The following RSL1D1 variants were observed in gnomAD, a reference collection of about 807,000 sequenced individuals.
RSL1D1 encodes the protein ribosomal L1 domain-containing protein 1.
In RSL1D1, 34 loss-of-function variants were observed where a neutral mutation model predicts 44.6. The ratio of observed to expected loss-of-function variants is 0.76; its 90% CI spans 0.58 to 1.02. The LOEUF (loss-of-function observed/expected upper bound fraction) is 1.02. Among genes scored for constraint, RSL1D1 ranks in the 50% least tolerant of loss-of-function variants. The pLI is 0.00. For missense variants in RSL1D1, 767 were observed against 568.1 expected (o/e 1.35, Z -3.56); for synonymous variants, 271 against 207.4 (o/e 1.31, Z -2.63).
Position 11,840,367 on chromosome 16 carries a change from A to C in RSL1D1, c.856-382T>G, listed in dbSNP as rs916243285. 2.6e-5 allele frequency among the ~76,000 whole-genome samples: 4 copies of C among 152,182 alleles called. No homozygotes were observed. In the East Asian group the frequency reaches 7.7e-4, roughly 29 times the overall value. On this transcript the variant is annotated intron_variant, in intron 7 of 8. Coordinates refer to ENST00000571133, the MANE Select transcript of RSL1D1 (RefSeq NM_015659.3). The stretch of plus-strand genomic sequence containing the variant: ...GATCACTTGAGGTCAGGACTTCGAG[A>C]TCAGCCTGGTAAACATGGTGAAACC...
At position 11,837,762 on chromosome 16, in the gene RSL1D1, T is replaced by G; in HGVS notation, c.*25A>C. The stretch of plus-strand genomic sequence containing the variant: ...AAAAGCTCTGGAGGCAGCATTGAGG[T>G]TTCCTTCCAGTTGAATCACTGACTT... On this transcript the variant is annotated 3_prime_UTR_variant, in exon 9 of 9. Coordinates refer to ENST00000571133, the MANE Select transcript of RSL1D1 (RefSeq NM_015659.3). 6.4e-7 allele frequency: 1 copy of G among 1,572,634 alleles called. No homozygotes were observed. The highest frequency in any genetic ancestry group is 8.6e-7 in the Non-Finnish European group (1 of 1,157,642).
rs753194199 is a variant in RSL1D1 at position 11,847,793 on chromosome 16, T to C, written c.259A>G (p.Ser87Gly). The change falls in exon 3 of 9, where the codon AGT (serine) becomes GGT (glycine). Residue 87 changes from serine to glycine, a missense_variant. Physicochemically the swap from Ser to Gly is moderately conservative, Grantham distance 56. Coordinates refer to ENST00000571133, the MANE Select transcript of RSL1D1 (RefSeq NM_015659.3). ...ELRVRLTLPH[S>G]IRSDSEDICL... Reference sequence around the variant, plus strand: ...ATATCTTCTGAATCTGATCGAATACTATGAGGCAAGGTCCTACAAAATACG... The same window carrying C: ...ATATCTTCTGAATCTGATCGAATACCATGAGGCAAGGTCCTACAAAATACG... 5 of 1,613,332 alleles carry C rather than the reference T, an allele frequency of 3.1e-6. No homozygotes were observed. Among genetic ancestry groups the C allele is most frequent in the Admixed American group, 1.7e-5 (1 of 59,822 alleles).
At chr16:11,850,206 A>G (rs1441073434) in intron 2 of RSL1D1, 73 bp downstream of exon 2, 9 of 1,394,922 alleles carry the variant, frequency 6.5e-6, no homozygotes, top group Admixed American at 2.6e-5. Context: ...ATTAGTAACC[A>G]TGATGCAATT....
chr16:11,850,177 A>G (rs1378013113), intron 2 of RSL1D1, 102 bp downstream of exon 2: 9 of 1,164,860 alleles, frequency 7.7e-6, no homozygotes, highest in Admixed American at 3.1e-5. Context: ...GATTTTTATT[A>G]TAAGTTTGCA....
At position 11,847,786 on chromosome 16, in the gene RSL1D1, C is replaced by G; in HGVS notation, c.266G>C (p.Arg89Pro). Reference protein sequence around the residue: ...RVRLTLPHSIRSDSEDICLFT... With the variant: ...RVRLTLPHSIPSDSEDICLFT... ...TAAACAGATATCTTCTGAATCTGAT[C>G]GAATACTATGAGGCAAGGTCCTACA... The change falls in exon 3 of 9, where the codon CGA becomes CCA. Residue 89 changes from arginine to proline, a missense_variant. Physicochemically the swap from Arg to Pro is moderately radical, Grantham distance 103 (BLOSUM62 -2). Coordinates refer to ENST00000571133, the MANE Select transcript of RSL1D1 (RefSeq NM_015659.3). 6.2e-7 allele frequency: 1 copy of G among 1,613,286 alleles called. No homozygotes were observed. The highest frequency in any genetic ancestry group is 8.5e-7 in the Non-Finnish European group (1 of 1,179,714).
chr16:11,841,149 C>G (rs1310267094), intron 7 of RSL1D1, among the ~76,000 whole-genome samples: 1 of 152,182 alleles, frequency 6.6e-6, no homozygotes, highest in African/African-American at 2.4e-5. Flanking sequence ...GTAGCTCATG[C>G]CTGTAATCCC....
Position 11,851,129 on chromosome 16 carries a change from G to A in RSL1D1, c.105+279C>T, listed in dbSNP as rs1245796501. The A allele has an allele frequency of 2.4e-5, 12 of 499,204 alleles. No individual in the cohort carries two copies. In the East Asian group the frequency reaches 3.4e-4, roughly 14 times the overall value. 30.9% of individuals were successfully genotyped at this position (499,204 alleles called of 1,614,324 possible). On this transcript the variant is annotated intron_variant, in intron 1 of 8. Transcript: ENST00000571133. The stretch of plus-strand genomic sequence containing the variant: ...GCAAAACTAAGCGATTCGGTCAAGC[G>A]CTAATGATAGGGAAGCTAAGCCAGG...
chr16:11,841,831 GAA>G lies in RSL1D1; in HGVS notation c.730-13_730-12del. The G allele has an allele frequency of 6.3e-7, 1 of 1,574,896 alleles. No homozygotes were observed. Among genetic ancestry groups the G allele is most frequent in the Non-Finnish European group, 8.7e-7 (1 of 1,149,298 alleles). On this transcript the variant is annotated splice_polypyrimidine_tract_variant and intron_variant, in intron 6 of 8. Transcript: ENST00000571133. Reference sequence around the variant, plus strand: ...CACGCTCTCCCACTTCTGAAACAAAGAAAAGAGTAACATCGTCTACATATACT... The same window carrying G: ...CACGCTCTCCCACTTCTGAAACAAAGAAGAGTAACATCGTCTACATATACT...
At chr16:11,841,167 T>G (rs911402926) in intron 7 of RSL1D1, among the ~76,000 whole-genome samples, 1 of 152,172 alleles carries the variant, frequency 6.6e-6, no homozygotes, top group African/African-American at 2.4e-5. Flanking sequence ...CCCAGCACTT[T>G]GGGAGCCCAA....
chr16:11,839,470 A>C (rs1268100012), intron 8 of RSL1D1, among the ~76,000 whole-genome samples: 1 of 150,334 alleles, frequency 6.7e-6, no homozygotes, highest in Non-Finnish European at 1.5e-5. Context: ...AGGTGGGAAG[A>C]CTGTTTTGAC....
At chr16:11,848,392 A>G in intron 2 of RSL1D1, among the ~76,000 whole-genome samples, 1 of 152,340 alleles carries the variant, frequency 6.6e-6, no homozygotes, top group South Asian at 2.1e-4. Context: ...TTGCATATAT[A>G]ATTATTATAC....
At position 11,837,627 on chromosome 16, in the gene RSL1D1, G is replaced by A. The variant is rs537451583; in HGVS notation, c.*160C>T. ...GGCCTCCCAAAGTGCTGGGATTACA[G>A]GCGTGAGCCACCGCCCCTGGACTAC... On this transcript the variant is annotated 3_prime_UTR_variant, in exon 9 of 9. Transcript: ENST00000571133. 2.8e-5 allele frequency: 18 copies of A among 650,778 alleles called. No individual in the cohort carries two copies. The highest frequency in any genetic ancestry group is 4.3e-4 in the Middle Eastern group (1 of 2,326). 40.3% of individuals were successfully genotyped at this position (650,778 alleles called of 1,614,324 possible).
chr16:11,847,442 A>G (rs759966408), intron 3 of RSL1D1: 5 of 453,404 alleles, frequency 1.1e-5, no homozygotes, highest in Non-Finnish European at 1.2e-5. Flanking sequence ...ACAAAACAGC[A>G]AATCAGAGAA....
At chr16:11,839,545 AAG>A (rs1442970510) in intron 8 of RSL1D1, 148 bp downstream of exon 8, 140 of 812,342 alleles carry the variant, frequency 1.7e-4, no homozygotes, top group Non-Finnish European at 2.3e-4. Context: ...AAAAAAAAAA[AAG>A]GTACAATAAA....
rs1446794477 is a variant in RSL1D1, at chr16:11,839,836, T to C, written c.1005A>G (p.Ser335=). ...SGDTTVKKPE[S]KKEQTPEHGK... is the part of the protein sequence containing the mutation. ...CATGCTCTGGGGTCTGTTCCTTCTT[T>C]GATTCAGGTTTCTTCACTGTAGTAT... The change falls in exon 8 of 9, where the codon TCA becomes TCG. Residue 335 remains serine (S), a synonymous_variant. Coordinates refer to ENST00000571133, the MANE Select transcript of RSL1D1 (RefSeq NM_015659.3). The C allele has an allele frequency of 6.2e-7, 1 of 1,614,208 alleles. No homozygotes were observed. Among genetic ancestry groups the C allele is most frequent in the Admixed American group, 1.7e-5 (1 of 60,014 alleles).
chr16:11,839,757 C>G lies in RSL1D1; in HGVS notation c.1084G>C (p.Glu362Gln). 6.2e-7 allele frequency: 1 copy of G among 1,614,104 alleles called. No homozygotes were observed. Among genetic ancestry groups the G allele is most frequent in the Non-Finnish European group, 8.5e-7 (1 of 1,180,034 alleles). The change falls in exon 8 of 9, where the codon GAA becomes CAA. Residue 362 changes from glutamate to glutamine, a missense_variant. By Grantham distance (29) the Glu-to-Gln change is conservative. Coordinates refer to ENST00000571133, the MANE Select transcript of RSL1D1 (RefSeq NM_015659.3). Reference sequence around the variant, plus strand: ...GGTACCAGCTGTGGGATTTCGTCTTCGGATTCATTTGTTGCTTTAACTTGG... The same window carrying G: ...GGTACCAGCTGTGGGATTTCGTCTTGGGATTCATTTGTTGCTTTAACTTGG... ...KAQVKATNES[E>Q]DEIPQLVPIG...
rs1011164329 is a variant in RSL1D1 at position 11,836,658 on chromosome 16, G to C, written c.*1129C>G. 1 of 152,190 alleles carries C rather than the reference G, an allele frequency of 6.6e-6. No individual in the cohort carries two copies. The highest frequency in any genetic ancestry group is 2.4e-5 in the African/African-American group (1 of 41,434). The allele number at this position is 152,190 out of a possible 1,614,324, so 9.4% of individuals were successfully genotyped here. A position where few individuals can be genotyped will look rare whatever the true frequency, so the allele number is the denominator to read the frequency against. On this transcript the variant is annotated 3_prime_UTR_variant, in exon 9 of 9. Coordinates refer to ENST00000571133, the MANE Select transcript of RSL1D1 (RefSeq NM_015659.3). Reference sequence around the variant, plus strand: ...TAAATCATGTTCTTGCCTCCGGTAGGTAGGATTCAATTTAGTCCCTGTATA... The same window carrying C: ...TAAATCATGTTCTTGCCTCCGGTAGCTAGGATTCAATTTAGTCCCTGTATA...
chr16:11,849,558 A>C (rs777168338), intron 2 of RSL1D1, among the ~76,000 whole-genome samples: 2 of 152,168 alleles, frequency 1.3e-5, no homozygotes, highest in African/African-American at 4.8e-5. Flanking sequence ...CTGTATAATC[A>C]CCATGGATTT....
Position 11,837,908 on chromosome 16 carries a change from G to C in RSL1D1, c.1352C>G (p.Ala451Gly), listed in dbSNP as rs772410136. 1.2e-5 allele frequency: 20 copies of C among 1,613,814 alleles called. No individual in the cohort carries two copies. Among genetic ancestry groups the C allele is most frequent in the Non-Finnish European group, 1.6e-5 (19 of 1,179,994 alleles). ...CTCTGGCTTTTTTGGAGTCTGTCTCGCATCTTTTTTCCCCAGCGAAGGACT... is the reference window on the plus strand; with the variant it reads ...CTCTGGCTTTTTTGGAGTCTGTCTCCCATCTTTTTTCCCCAGCGAAGGACT... ...EKSPSLGKKD[A>G]RQTPKKPEAK... is the part of the protein sequence containing the mutation. Residue 451 changes from alanine to glycine, a missense_variant, in exon 9 of 9, where the codon GCG (alanine) becomes GGG (glycine). Physicochemically the swap from Ala to Gly is moderately conservative, Grantham distance 60. Transcript: ENST00000571133.
Sources: gnomAD v4.1 joint callset for allele counts (sites outside exome capture counted in the v4.1 genomes callset) on GRCh38, gnomAD v4.1.1 for gene constraint, MANE v1.5 for transcripts, NCBI Gene and HGNC (gene_info 2026-07-23, HGNC 2026-07-21) for gene names.